Variants in DNAI4 observed in about 807,000 individuals in gnomAD.
DNAI4 encodes dynein axonemal intermediate chain 4, also known as WD repeat domain 78.
Under a neutral mutation model 105.8 loss-of-function variants are expected in DNAI4, and 85 were observed. The ratio of observed to expected loss-of-function variants is 0.80; its 90% CI spans 0.67 to 0.96. DNAI4 has a LOEUF of 0.96. Among genes scored for constraint, DNAI4 ranks in the 40% least tolerant of loss-of-function variants. The probability of loss-of-function intolerance (pLI) is 0.00; values close to 1 mark genes in which losing one functional copy is unlikely to be tolerated. For missense variants in DNAI4, 1,014 were observed against 1,005.6 expected, an observed-to-expected ratio of 1.01 and a Z score of -0.11; for synonymous variants, 352 against 331.5, an observed-to-expected ratio of 1.06 and a Z score of -0.67.
chr1:66,819,555 T>C lies in DNAI4; in HGVS notation c.2496+2806A>G, dbSNP rs551481857. On this transcript the variant is annotated intron_variant, in intron 16 of 16. Transcript: ENST00000371026. ...TCACTGAATGCCCATTATGTGCTAG[T>C]ACTGCGCTAGACACTTACATATATG... Among the ~76,000 whole-genome samples, 10 of 152,250 alleles carry C rather than the reference T, an allele frequency of 6.6e-5. No homozygotes were observed. The South Asian group carries it at 2.1e-3, about 32-fold the overall frequency.
chr1:66,824,594 G>A (rs934966642), intron 15 of DNAI4, among the ~76,000 whole-genome samples: 2 of 151,428 alleles, frequency 1.3e-5, no homozygotes, highest in African/African-American at 4.9e-5. Flanking sequence ...TTGAGCAGTG[G>A]TTTGTAGTTC....
chr1:66,893,061 G>GAAAA lies in DNAI4; in HGVS notation c.530+167_530+168insTTTT, dbSNP rs1557965283. Reference sequence around the variant, plus strand: ...AAAGAAAGAAAGAAAGAAAGAGAGAGAGAGAAAGAAAGAAAGAAAGAAAGA... The same window carrying GAAAA: ...AAAGAAAGAAAGAAAGAAAGAGAGAGAAAAAGAGAAAGAAAGAAAGAAAGAAAGA... On this transcript the variant is annotated intron_variant, in intron 3 of 16. Transcript: ENST00000371026. Among the ~76,000 whole-genome samples the GAAAA allele has an allele frequency of 1.4e-3, 131 of 93,624 alleles. 1 individual carries two copies. Among genetic ancestry groups the GAAAA allele is most frequent in the South Asian group, 5.7e-3 (19 of 3,358 alleles). 61.4% of individuals were successfully genotyped at this position (93,624 alleles called of 152,430 possible).
chr1:66,846,761 C>T (rs112381447), intron 8 of DNAI4, among the ~76,000 whole-genome samples: 4 of 152,242 alleles, frequency 2.6e-5, no homozygotes, highest in African/African-American at 9.6e-5. Flanking sequence ...ATCAAAAGAC[C>T]TTGGTTGAAT....
intron 16 of DNAI4, among the ~76,000 whole-genome samples, chr1:66,814,719 G>A (rs907149671): frequency 2.0e-5 from 3 of 152,162 alleles, no homozygotes; most frequent in African/African-American, 7.2e-5. Flanking sequence ...GATTCAGTAA[G>A]AAGAAAATTT....
chr1:66,827,967 A>T, intron 13 of DNAI4, 57 bp from the exon 14 acceptor site: 4 of 1,101,388 alleles, frequency 3.6e-6, no homozygotes, highest in Non-Finnish European at 5.3e-6. Context: ...AGTGTGATAA[A>T]TAGAAGATTA....
chr1:66,882,536 A>C (rs1382153685), intron 4 of DNAI4, among the ~76,000 whole-genome samples: 1 of 151,542 alleles, frequency 6.6e-6, no homozygotes, highest in Non-Finnish European at 1.5e-5. Context: ...TTTTTTTTGC[A>C]TATGGATGTT....
intron 4 of DNAI4, among the ~76,000 whole-genome samples, chr1:66,887,742 G>C (rs969609331): frequency 2.0e-5 from 3 of 152,112 alleles, no homozygotes; most frequent in Non-Finnish European, 4.4e-5. Flanking sequence ...GGGAGGCCAA[G>C]GCGGCGGATC....
At chr1:66,821,026 T>A (rs1645613536) in intron 16 of DNAI4, among the ~76,000 whole-genome samples, 1 of 151,824 alleles carries the variant, frequency 6.6e-6, no homozygotes, top group Non-Finnish European at 1.5e-5. Flanking sequence ...TATAAACATT[T>A]CTATAGGCTA....
At chr1:66,893,055 G>GGAAGGAAGGAAAGAA (rs1557965175) in intron 3 of DNAI4, among the ~76,000 whole-genome samples, 174 bp downstream of exon 3, 2 of 80,740 alleles carry the variant, frequency 2.5e-5, no homozygotes, top group African/African-American at 1.1e-4. Context: ...AAGAAAGAAA[G>GGAAGGAAGGAAAGAA]AGAGAGAGAG....
intron 8 of DNAI4, among the ~76,000 whole-genome samples, chr1:66,847,162 AC>A (rs1488163126): frequency 6.6e-6 from 1 of 152,232 alleles, no homozygotes; most frequent in Non-Finnish European, 1.5e-5. Context: ...AGTGCTACTC[AC>A]GCATTTAGTG....
chr1:66,833,968 A>G (rs1645924652), intron 12 of DNAI4, 23 bp downstream of exon 12: 3 of 1,569,218 alleles, frequency 1.9e-6, no homozygotes, highest in Non-Finnish European at 2.6e-6. Flanking sequence ...AACAAGAAAA[A>G]TATAACTTGA....
At position 66,814,156 on chromosome 1, in the gene DNAI4, C is replaced by G. The variant is rs1396294780; in HGVS notation, c.2521G>C (p.Gly841Arg). ...TATGCTGATTGGTTTGACTTGGATC[C>G]AAGCAAAGTATCCATTATATCTCCC... ...GRGDIMDTLL[G>R]SKSNQSA The change falls in exon 17 of 17, where the codon GGA becomes CGA. Residue 841 changes from glycine to arginine, a missense_variant. Transcript: ENST00000371026. 1 of 1,587,380 alleles carries G rather than the reference C, an allele frequency of 6.3e-7. No individual in the cohort carries two copies. The highest frequency in any genetic ancestry group is 8.5e-7 in the Non-Finnish European group (1 of 1,175,534).
At chr1:66,814,637 G>A (rs1425792641) in intron 16 of DNAI4, among the ~76,000 whole-genome samples, 2 of 152,114 alleles carry the variant, frequency 1.3e-5, no homozygotes, top group African/African-American at 4.8e-5. Flanking sequence ...CAAAGTGCTG[G>A]GATTACATGC....
intron 1 of DNAI4, among the ~76,000 whole-genome samples, chr1:66,906,114 G>T (rs1186746803): frequency 6.6e-6 from 1 of 151,654 alleles, no homozygotes; most frequent in Non-Finnish European, 1.5e-5. Context: ...AGTAGAGAGG[G>T]GTTTCACCAT....
chr1:66,822,615 C>T, intron 15 of DNAI4, 98 bp from the exon 16 acceptor site: 1 of 1,121,708 alleles, frequency 8.9e-7, no homozygotes, highest in South Asian at 2.1e-5. Context: ...TTAAATGTAA[C>T]AAAAACCATA....
rs57056257 is a variant in DNAI4 at position 66,835,193 on chromosome 1, CAGATAGATAGATAGAT to C, written c.1733+417_1733+432del. Among the ~76,000 whole-genome samples the C allele has an allele frequency of 4.8e-3, 658 of 136,218 alleles. 4 individuals are homozygous for C. In the Middle Eastern group the frequency reaches 0.053, roughly 11 times the overall value. The allele number at this position is 136,218 out of a possible 152,430, so 89.4% of individuals were successfully genotyped here. A position where few individuals can be genotyped will look rare whatever the true frequency, so the allele number is the denominator to read the frequency against. Reference sequence around the variant, plus strand: ...TCAAGGAACTTATACCCTCCTTAGACAGATAGATAGATAGATAGATAGATAGATAGATAGATAGATA... The same window carrying C: ...TCAAGGAACTTATACCCTCCTTAGACAGATAGATAGATAGATAGATAGATA... On this transcript the variant is annotated intron_variant, in intron 11 of 16. Transcript: ENST00000371026.
intron 10 of DNAI4, among the ~76,000 whole-genome samples, chr1:66,836,156 G>GA (rs1332300439): frequency 2.9e-5 from 1 of 34,180 alleles, no homozygotes; most frequent in Non-Finnish European, 6.8e-5. Context: ...AAGAAAGAAA[G>GA]AAAGAAAGAA....
chr1:66,921,033 G>GT (rs1281807380), intron 1 of DNAI4, among the ~76,000 whole-genome samples: 2 of 152,188 alleles, frequency 1.3e-5, no homozygotes, highest in Non-Finnish European at 2.9e-5. Flanking sequence ...GACAAAGCAA[G>GT]TATCAGAACC....
At chr1:66,836,254 GAGAAAGAA>G (rs68091805) in intron 10 of DNAI4, among the ~76,000 whole-genome samples, 16,791 of 98,734 alleles carry the variant, frequency 0.17, 1,695 homozygotes, top group East Asian at 0.22. Flanking sequence ...AAGAGAGAGA[GAGAAAGAA>G]AGAAAGAAAG....
Sources: gnomAD v4.1 joint callset for allele counts (sites outside exome capture counted in the v4.1 genomes callset) on GRCh38, gnomAD v4.1.1 for gene constraint, MANE v1.5 for transcripts, NCBI Gene and HGNC (gene_info 2026-07-23, HGNC 2026-07-21) for gene names.